TFPI: variants seen among roughly 807,000 people sequenced by gnomAD.
TFPI encodes the protein tissue factor pathway inhibitor.
In TFPI, 15 loss-of-function variants were observed where a neutral mutation model predicts 34.6. The ratio of observed to expected loss-of-function variants is 0.43; its 90% confidence interval spans 0.29 to 0.67. The LOEUF is 0.67. Ranked by LOEUF, TFPI falls within the 30% of genes least tolerant of loss-of-function variation. TFPI has a pLI of 0.15. For synonymous variants in TFPI, 105 were observed against 120.1 expected (o/e 0.87, Z 0.82); for missense variants, 301 against 364.0 (o/e 0.83, Z 1.41).
At chr2:187,473,269 G>C (rs1297594832) in intron 6 of TFPI, among the ~76,000 whole-genome samples, 1 of 152,092 alleles carries the variant, frequency 6.6e-6, no homozygotes, top group African/African-American at 2.4e-5. Context: ...GATTACTATA[G>C]AGATAGCTTT....
intron 1 of TFPI, 64 bp downstream of exon 1, chr2:187,554,136 C>T (rs1206997636): frequency 6.6e-6 from 1 of 151,998 alleles, no homozygotes; most frequent in Non-Finnish European, 1.5e-5. Context: ...CCCTGCTTTT[C>T]CCCCGAGAAA....
At chr2:187,467,624 G>A (rs1691789943) in intron 7 of TFPI, 129 bp downstream of exon 7, 1 of 774,162 alleles carries the variant, frequency 1.3e-6, no homozygotes, top group Non-Finnish European at 1.8e-6. Context: ...TAATTGAAGA[G>A]GACATTTATT....
chr2:187,501,209 G>T (rs893746419), intron 2 of TFPI, among the ~76,000 whole-genome samples: 8 of 152,136 alleles, frequency 5.3e-5, no homozygotes, highest in Admixed American at 3.3e-4. Flanking sequence ...CATATAAATA[G>T]AATTATGGTT....
chr2:187,553,445 T>A (rs1258016394), intron 1 of TFPI, among the ~76,000 whole-genome samples: 1 of 152,154 alleles, frequency 6.6e-6, no homozygotes, highest in Non-Finnish European at 1.5e-5. Context: ...TTTTCATAAT[T>A]AAATAATTGT....
At chr2:187,498,511 T>G (rs191533160) in intron 2 of TFPI, among the ~76,000 whole-genome samples, 1 of 151,956 alleles carries the variant, frequency 6.6e-6, no homozygotes, top group African/African-American at 2.4e-5. Context: ...CTTTACAATC[T>G]TGGAAGGATT....
intron 1 of TFPI, among the ~76,000 whole-genome samples, chr2:187,535,074 C>T (rs192896741): frequency 6.6e-6 from 1 of 152,030 alleles, no homozygotes; most frequent in Non-Finnish European, 1.5e-5. Flanking sequence ...ACAGGAGCAC[C>T]CAGATTCATA....
intron 1 of TFPI, among the ~76,000 whole-genome samples, chr2:187,511,117 C>T (rs1461604016): frequency 6.6e-6 from 1 of 152,186 alleles, no homozygotes; most frequent in Admixed American, 6.5e-5. Flanking sequence ...AGTGGAACGC[C>T]TCCTCAGAGC....
At chr2:187,476,700 GA>G (rs950165839) in intron 6 of TFPI, among the ~76,000 whole-genome samples, 3 of 151,968 alleles carry the variant, frequency 2.0e-5, no homozygotes, top group Non-Finnish European at 4.4e-5. Context: ...TACTCAAATA[GA>G]AAAAAGGTAG....
chr2:187,467,999 A>G, intron 6 of TFPI, 67 bp from the exon 7 acceptor site: 1 of 1,343,644 alleles, frequency 7.4e-7, no homozygotes, highest in Non-Finnish European at 9.9e-7. Context: ...CGTATTGTAT[A>G]TTGTTTATAG....
chr2:187,525,136 A>G (rs1353934487), intron 1 of TFPI, among the ~76,000 whole-genome samples: 1 of 152,170 alleles, frequency 6.6e-6, no homozygotes, highest in Non-Finnish European at 1.5e-5. Flanking sequence ...GAACTCTTCT[A>G]TGAACTTCAT....
intron 1 of TFPI, among the ~76,000 whole-genome samples, chr2:187,542,622 GCACTTTGGGAGGC>G (rs1688641715): frequency 6.6e-6 from 1 of 152,136 alleles, no homozygotes. Context: ...TGTAATCCCA[GCACTTTGGGAGGC>G]CAAAGTGGCT....
intron 7 of TFPI, 86 bp from the exon 8 acceptor site, chr2:187,467,128 A>G: frequency 1.1e-6 from 1 of 870,232 alleles, no homozygotes; most frequent in Non-Finnish European, 1.7e-6. Flanking sequence ...GTAACTTTTA[A>G]TATTTAAATC....
chr2:187,484,553 T>G (rs1693118270), intron 5 of TFPI: 1 of 485,788 alleles, frequency 2.1e-6, no homozygotes, highest in East Asian at 3.5e-5. Context: ...AATTCTATTG[T>G]GCCAAAATTG....
At chr2:187,477,174 AC>A (rs1445441657) in intron 6 of TFPI, among the ~76,000 whole-genome samples, 1 of 152,228 alleles carries the variant, frequency 6.6e-6, no homozygotes, top group Non-Finnish European at 1.5e-5. Flanking sequence ...ATCTAGGGTG[AC>A]TGCATTTTGA....
At chr2:187,511,992 AT>A (rs749404314) in intron 1 of TFPI, among the ~76,000 whole-genome samples, 2 of 152,190 alleles carry the variant, frequency 1.3e-5, no homozygotes, top group Non-Finnish European at 2.9e-5. Context: ...GCCAAGGTAA[AT>A]TTAAAACCTA....
At chr2:187,472,697 T>C (rs1041237919) in intron 6 of TFPI, among the ~76,000 whole-genome samples, 14 of 152,190 alleles carry the variant, frequency 9.2e-5, no homozygotes, top group Non-Finnish European at 1.8e-4. Context: ...TGCACTATTA[T>C]TTTATGTACT....
rs567728986 is a variant in TFPI at position 187,545,849 on chromosome 2, A to C, written c.-3+8351T>G. Among the ~76,000 whole-genome samples, 330 of 152,262 alleles carry C rather than the reference A, an allele frequency of 2.2e-3. 3 individuals are homozygous for C. Among genetic ancestry groups the C allele is most frequent in the Non-Finnish European group, 3.2e-3 (216 of 67,996 alleles). ...TAAAACAAAATCATTTTTGGTGTTTATGTTTTTGATAGGTAAAAATAATTT... is the reference window on the plus strand; with the variant it reads ...TAAAACAAAATCATTTTTGGTGTTTCTGTTTTTGATAGGTAAAAATAATTT... On this transcript the variant is annotated intron_variant, in intron 1 of 7. Coordinates refer to ENST00000233156, the MANE Select transcript of TFPI (RefSeq NM_006287.6).
At chr2:187,492,449 C>G (rs1249762396) in intron 3 of TFPI, among the ~76,000 whole-genome samples, 2 of 152,158 alleles carry the variant, frequency 1.3e-5, no homozygotes, top group East Asian at 3.8e-4. Flanking sequence ...TCCAATTTCT[C>G]AACACCATTT....
chr2:187,536,319 G>A (rs911685282), intron 1 of TFPI, among the ~76,000 whole-genome samples: 4 of 152,078 alleles, frequency 2.6e-5, no homozygotes, highest in African/African-American at 4.8e-5. Context: ...GATGAATATC[G>A]ATGCAAAAAT....
Sources: allele counts gnomAD v4.1 joint callset (sites outside exome capture counted in the v4.1 genomes callset), GRCh38; gene constraint gnomAD v4.1.1; transcripts MANE v1.5; gene names NCBI Gene and HGNC (gene_info 2026-07-23, HGNC 2026-07-21).